Variants in RSKR observed in about 807,000 individuals in gnomAD.
The protein encoded by RSKR is ribosomal protein S6 kinase related.
Under a neutral mutation model 56.8 loss-of-function variants are expected in RSKR, and 44 were observed. That is an observed-to-expected ratio of 0.77 (90% confidence interval 0.61 to 1.00). The LOEUF is 1.00. Ranked by LOEUF, RSKR falls within the 50% of genes least tolerant of loss-of-function variation. RSKR has a pLI of 0.00. For missense variants in RSKR, 510 were observed against 506.9 expected (o/e 1.01, Z -0.06); for synonymous variants, 181 against 188.0 (o/e 0.96, Z 0.30).
rs753178628 is a variant in RSKR at position 28,613,057 on chromosome 17, TTTCCAGGACTCTGTGCA to T, written c.477+4_477+20del. On this transcript the variant is annotated splice_donor_5th_base_variant and intron_variant, in intron 4 of 11. Coordinates refer to ENST00000301037, the MANE Select transcript of RSKR (RefSeq NM_001174103.2). ...TGTGGCCTAGCTCTTCCCACAATCC[TTTCCAGGACTCTGTGCA>T]TACCTGGATGCTAACCTCCTCTTTG... 6 of 1,613,480 alleles carry T rather than the reference TTTCCAGGACTCTGTGCA, an allele frequency of 3.7e-6. No individual in the cohort carries two copies. The highest frequency in any genetic ancestry group is 5.1e-6 in the Non-Finnish European group (6 of 1,179,508).
rs771836647 is a variant in RSKR at position 28,613,403 on chromosome 17, AAGACTG to A, written c.324+31_324+36del. ...GACTGGTCATTTTTAACTTCTCCCA[AAGACTG>A]AGACCCCACTCAGGGATTCCACTGA... On this transcript the variant is annotated intron_variant, in intron 2 of 11. Transcript: ENST00000301037. The A allele has an allele frequency of 5.6e-6, 9 of 1,614,170 alleles. No individual in the cohort carries two copies. The South Asian group carries it at 8.8e-5, about 16-fold the overall frequency.
chr17:28,612,174 A>AATAAT (rs1343785158), intron 6 of RSKR, 88 bp downstream of exon 6: 1 of 1,583,758 alleles, frequency 6.3e-7, no homozygotes, highest in African/African-American at 1.4e-5. Flanking sequence ...CCTATTCTTT[A>AATAAT]ACTTCCATTA....
At chr17:28,613,795 A>C in intron 1 of RSKR, 107 bp from the exon 2 acceptor site, 1 of 1,471,628 alleles carries the variant, frequency 6.8e-7, no homozygotes, top group African/African-American at 1.4e-5. Context: ...CTAGAGGTAC[A>C]TTTTTGAGCA....
At chr17:28,610,880 G>A (rs1016580728) in intron 11 of RSKR, 181 bp from the exon 12 acceptor site, 4 of 696,634 alleles carry the variant, frequency 5.7e-6, no homozygotes, top group African/African-American at 5.4e-5. Context: ...TGGGAATAAG[G>A]AGCTGTGCTT....
At chr17:28,611,277 A>AGGTAGG in intron 10 of RSKR, 24 bp from the exon 11 acceptor site, 1 of 1,533,984 alleles carries the variant, frequency 6.5e-7, no homozygotes, top group Non-Finnish European at 8.7e-7. Context: ...TAGGGAGTGG[A>AGGTAGG]GGTAGGGGTA....
Position 28,613,295 on chromosome 17 carries a change from T to C in RSKR, c.375A>G (p.Leu125=), listed in dbSNP as rs755957125. The change falls in exon 3 of 12, where the codon CTA becomes CTG. Residue 125 remains leucine, a synonymous_variant. Transcript: ENST00000301037. ...KGSFGTVLKV[L]DCTQKAVFAV... ...CAAATACAGCTTTCTGGGTGCAATC[T>C]AGCACCTTGAGGACAGTTCCAAAGG... The C allele has an allele frequency of 1.9e-6, 3 of 1,614,200 alleles. No homozygotes were observed. Among genetic ancestry groups the C allele is most frequent in the Non-Finnish European group, 2.5e-6 (3 of 1,180,034 alleles).
chr17:28,611,346 C>T (rs1207225366), intron 10 of RSKR, 47 bp downstream of exon 10: 33 of 1,535,082 alleles, frequency 2.1e-5, no homozygotes, highest in Non-Finnish European at 2.7e-5. Flanking sequence ...TTCTTCCCAC[C>T]ACAAGGCAAA....
At position 28,611,767 on chromosome 17, in the gene RSKR, C is replaced by A. The variant is rs1325629067; in HGVS notation, c.721+1G>T. 2 of 1,614,192 alleles carry A rather than the reference C, an allele frequency of 1.2e-6. No homozygotes were observed. Among genetic ancestry groups the A allele is most frequent in the South Asian group, 1.1e-5 (1 of 91,088 alleles). ...GGGGCTAAGGAAGGAAAAAGACTTA[C>A]CTCGTTCATCTAGAAGAATATTCTC... On this transcript the variant is annotated splice_donor_variant, in intron 8 of 11. Coordinates refer to ENST00000301037, the MANE Select transcript of RSKR (RefSeq NM_001174103.2). LOFTEE classifies it high-confidence loss of function.
chr17:28,611,176 A>C lies in RSKR; in HGVS notation c.978T>G (p.Ser326=). 1 of 1,536,312 alleles carries C rather than the reference A, an allele frequency of 6.5e-7. No individual in the cohort carries two copies. The highest frequency in any genetic ancestry group is 8.7e-7 in the Non-Finnish European group (1 of 1,146,886). ...VTHSDSEIPA[S]LNQGLSLLLH... ...GCAGGAGTGAGAGGCCCTGGTTAAG[A>C]GAAGCTGGGATCTCAGAGTCACTGT... Residue 326 remains serine (S), a synonymous_variant, in exon 11 of 12, where the codon TCT becomes TCG. Coordinates refer to ENST00000301037, the MANE Select transcript of RSKR (RefSeq NM_001174103.2).
chr17:28,612,145 G>C, intron 6 of RSKR, 61 bp from the exon 7 acceptor site: 1 of 1,593,836 alleles, frequency 6.3e-7, no homozygotes, highest in Non-Finnish European at 8.6e-7. Flanking sequence ...TTCCCTAGTA[G>C]CCCTCATCCC....
rs1371412477 is a variant in RSKR at position 28,613,708 on chromosome 17, C to T, written c.76-20G>A. 18 of 1,612,560 alleles carry T rather than the reference C, an allele frequency of 1.1e-5. No individual in the cohort carries two copies. Among genetic ancestry groups the T allele is most frequent in the Non-Finnish European group, 1.4e-5 (16 of 1,179,430 alleles). On this transcript the variant is annotated intron_variant, in intron 1 of 11. Transcript: ENST00000301037. ...ACCCTGCTGAGAACCAAGGGAGCCA[C>T]TCTAAACTTTCTGCTCCTGAGGCAT...
At chr17:28,612,421 G>A (rs2070829912) in intron 5 of RSKR, 55 bp from the exon 6 acceptor site, 1 of 1,560,002 alleles carries the variant, frequency 6.4e-7, no homozygotes, top group African/African-American at 1.4e-5. Flanking sequence ...CAATGTTTGG[G>A]AGCTGCAATG....
intron 10 of RSKR, 33 bp from the exon 11 acceptor site, chr17:28,611,286 T>C: frequency 6.5e-7 from 1 of 1,532,720 alleles, no homozygotes; most frequent in Non-Finnish European, 8.7e-7. Flanking sequence ...GAGGTAGGGG[T>C]AGGGGTTCAT....
rs1465202190 is a variant in RSKR at position 28,611,158 on chromosome 17, T to C, written c.996A>G (p.Ser332=). The C allele has an allele frequency of 1.3e-6, 2 of 1,535,800 alleles. No individual in the cohort carries two copies. Among genetic ancestry groups the C allele is most frequent in the Admixed American group, 2.0e-5 (1 of 50,964 alleles). Residue 332 remains serine (S), a synonymous_variant, in exon 11 of 12, where the codon TCA becomes TCG. Transcript: ENST00000301037. ...EIPASLNQGL[S]LLLHELLCQN... is the part of the protein sequence containing the mutation. ...TCATCCTTACCTCATGGAGCAGGAG[T>C]GAGAGGCCCTGGTTAAGAGAAGCTG...
At position 28,608,709 on chromosome 17, in the gene RSKR, A is replaced by C. The variant is rs1255213664; in HGVS notation, c.*1769T>G. On this transcript the variant is annotated 3_prime_UTR_variant, in exon 12 of 12. Coordinates refer to ENST00000301037, the MANE Select transcript of RSKR (RefSeq NM_001174103.2). Reference sequence around the variant, plus strand: ...ATGGATTACCAAAGTCCAATCCAGAAAAAGCAATTCTGCAGAGGCCAATAA... The same window carrying C: ...ATGGATTACCAAAGTCCAATCCAGACAAAGCAATTCTGCAGAGGCCAATAA... The C allele has an allele frequency of 1.3e-5, 2 of 152,200 alleles. No individual in the cohort carries two copies. The highest frequency in any genetic ancestry group is 2.9e-5 in the Non-Finnish European group (2 of 68,034). The allele number at this position is 152,200 out of a possible 1,614,324, so 9.4% of individuals were successfully genotyped here.
In RSKR at chr17:28,613,414, C is replaced by G; in HGVS notation, c.324+26G>C. The G allele has an allele frequency of 1.9e-6, 3 of 1,614,124 alleles. No homozygotes were observed. In the South Asian group the frequency reaches 3.3e-5, roughly 18 times the overall value. ...TTTAACTTCTCCCAAAGACTGAGAC[C>G]CCACTCAGGGATTCCACTGACTTAC... On this transcript the variant is annotated intron_variant, in intron 2 of 11. Transcript: ENST00000301037.
rs553368360 is a variant in RSKR at position 28,612,884 on chromosome 17, T to C, written c.477+194A>G. On this transcript the variant is annotated intron_variant, in intron 4 of 11. Coordinates refer to ENST00000301037, the MANE Select transcript of RSKR (RefSeq NM_001174103.2). ...TACTAAGGAATACACTGGGACATGC[T>C]TCAGAGATTTCCCTAGTAGGACATG... 18 of 741,216 alleles carry C rather than the reference T, an allele frequency of 2.4e-5. No homozygotes were observed. In the East Asian group the frequency reaches 4.5e-4, roughly 18 times the overall value. 45.9% of individuals were successfully genotyped at this position (741,216 alleles called of 1,614,324 possible).
rs2070864395 is a variant in RSKR, at chr17:28,613,806, T to A, written c.76-118A>T. 2.8e-6 allele frequency: 4 copies of A among 1,411,416 alleles called. No homozygotes were observed. In the South Asian group the frequency reaches 5.5e-5, roughly 19 times the overall value. 87.4% of individuals were successfully genotyped at this position (1,411,416 alleles called of 1,614,324 possible). A position where few individuals can be genotyped will look rare whatever the true frequency, so the allele number is the denominator to read the frequency against. Reference sequence around the variant, plus strand: ...ACCCCTAGAGGTACATTTTTGAGCATGAGGCAAAATTCCCATTACCCTTGC... The same window carrying A: ...ACCCCTAGAGGTACATTTTTGAGCAAGAGGCAAAATTCCCATTACCCTTGC... On this transcript the variant is annotated intron_variant, in intron 1 of 11. Coordinates refer to ENST00000301037, the MANE Select transcript of RSKR (RefSeq NM_001174103.2).
chr17:28,613,159 A>G lies in RSKR; in HGVS notation c.409-13T>C, dbSNP rs1431377659. On this transcript the variant is annotated splice_polypyrimidine_tract_variant and intron_variant, in intron 3 of 11. Coordinates refer to ENST00000301037, the MANE Select transcript of RSKR (RefSeq NM_001174103.2). ...CCTTGGGCACCACCTATAAAAGGAGAGTAGTGATGACTCATAGATAGTGCT... is the reference window on the plus strand; with the variant it reads ...CCTTGGGCACCACCTATAAAAGGAGGGTAGTGATGACTCATAGATAGTGCT... 5 of 1,613,754 alleles carry G rather than the reference A, an allele frequency of 3.1e-6. No individual in the cohort carries two copies. Among genetic ancestry groups the G allele is most frequent in the Non-Finnish European group, 4.2e-6 (5 of 1,179,972 alleles).
Sources: gnomAD v4.1 joint callset for allele counts on GRCh38, gnomAD v4.1.1 for gene constraint, MANE v1.5 for transcripts, NCBI Gene and HGNC (gene_info 2026-07-23, HGNC 2026-07-21) for gene names.